The following GSG1L variants were observed in gnomAD, a reference collection of about 807,000 sequenced individuals.
The protein encoded by GSG1L is GSG1 like.
GSG1L carries 24 observed loss-of-function variants against 42.1 expected under a neutral mutation model. The observed-to-expected ratio is 0.57, with a 90% CI of 0.41 to 0.80. The LOEUF is 0.80. Ranked by LOEUF, GSG1L falls within the 30% of genes least tolerant of loss-of-function variation. The probability of loss-of-function intolerance (pLI) is 0.00; values close to 1 mark genes in which losing one functional copy is unlikely to be tolerated. For synonymous variants in GSG1L, 215 were observed against 203.5 expected (o/e 1.06, Z -0.48); for missense variants, 445 against 472.2 (o/e 0.94, Z 0.53).
At chr16:28,034,136 T>G (rs1457184352) in intron 1 of GSG1L, among the ~76,000 whole-genome samples, 2 of 146,592 alleles carry the variant, frequency 1.4e-5, no homozygotes, top group South Asian at 2.2e-4. Context: ...TCCCATCCCA[T>G]CCCAGCCTAT....
At chr16:28,004,734 C>T (rs4787442) in intron 1 of GSG1L, among the ~76,000 whole-genome samples, 20,925 of 152,010 alleles carry the variant, frequency 0.14, 1,942 homozygotes, top group East Asian at 0.44. Context: ...GCTATGATTG[C>T]GCCCCTGCTC....
chr16:27,995,775 T>C (rs145738076), intron 1 of GSG1L, among the ~76,000 whole-genome samples: 3,720 of 151,894 alleles, frequency 0.024, 63 homozygotes, highest in Non-Finnish European at 0.038. Context: ...GCCTCCCAAG[T>C]AGCTGGGATT....
chr16:27,857,552 G>A (rs2083595095), intron 3 of GSG1L, among the ~76,000 whole-genome samples: 2 of 152,074 alleles, frequency 1.3e-5, no homozygotes, highest in Non-Finnish European at 2.9e-5. Flanking sequence ...GACCAGCCTG[G>A]GCAACATAGG....
intron 1 of GSG1L, among the ~76,000 whole-genome samples, chr16:27,997,381 G>A (rs2085528576): frequency 7.5e-6 from 1 of 133,076 alleles, no homozygotes. Flanking sequence ...GTGCAGTGGT[G>A]CAACCTCGGC....
At chr16:27,850,800 C>CTTTTT (rs201380124) in intron 3 of GSG1L, among the ~76,000 whole-genome samples, 1 of 132,602 alleles carries the variant, frequency 7.5e-6, no homozygotes, top group Non-Finnish European at 1.6e-5. Context: ...TATCATCTAC[C>CTTTTT]TTTTTTTTTT....
At chr16:27,825,224 G>A (rs2083196462) in intron 5 of GSG1L, among the ~76,000 whole-genome samples, 1 of 152,154 alleles carries the variant, frequency 6.6e-6, no homozygotes, top group African/African-American at 2.4e-5. Flanking sequence ...AGAAAACCCT[G>A]AATGAGCTCC....
intron 1 of GSG1L, among the ~76,000 whole-genome samples, chr16:28,002,650 G>T (rs1452767186): frequency 4.6e-5 from 7 of 151,998 alleles, no homozygotes; most frequent in Admixed American, 1.3e-4. Flanking sequence ...AAAAAAAGAG[G>T]CCAGGCGCGG....
chr16:27,848,151 G>T (rs1244149291), intron 3 of GSG1L, among the ~76,000 whole-genome samples: 1 of 152,140 alleles, frequency 6.6e-6, no homozygotes, highest in Non-Finnish European at 1.5e-5. Context: ...CTCCACAGAA[G>T]TTTCTTGAAT....
intron 2 of GSG1L, among the ~76,000 whole-genome samples, chr16:27,936,424 G>A (rs922405065): frequency 3.9e-5 from 6 of 152,132 alleles, no homozygotes; most frequent in Admixed American, 6.5e-5. Flanking sequence ...GTTTCTGCAG[G>A]AGCTGGTTGT....
intron 2 of GSG1L, among the ~76,000 whole-genome samples, chr16:27,921,249 A>G (rs11641724): frequency 0.87 from 132,154 of 152,040 alleles, 57,938 homozygotes; most frequent in East Asian, 0.94. Context: ...TTCTCCAAGT[A>G]TTTCACCTGT....
In GSG1L at chr16:28,060,223, G is replaced by T. The variant is rs78588443; in HGVS notation, c.349+2853C>A. ...CTATTGGGATGTTTTTTTCCTCTTC[G>T]AGTAAAAAAATAAAATAGTCACAGA... On this transcript the variant is annotated intron_variant, in intron 1 of 6. Coordinates refer to ENST00000447459, the MANE Select transcript of GSG1L (RefSeq NM_001109763.2). Among the ~76,000 whole-genome samples the T allele has an allele frequency of 6.4e-4, 97 of 152,052 alleles. No individual in the cohort carries two copies. In the East Asian group the frequency reaches 8.5e-3, roughly 13 times the overall value.
intron 1 of GSG1L, among the ~76,000 whole-genome samples, chr16:27,973,928 G>A (rs981823863): frequency 1.3e-5 from 2 of 152,124 alleles, no homozygotes; most frequent in Non-Finnish European, 1.5e-5. Context: ...CTGGCCCTGC[G>A]CCTTCCATTG....
chr16:27,819,640 G>A (rs534169790), intron 5 of GSG1L, among the ~76,000 whole-genome samples: 12 of 152,326 alleles, frequency 7.9e-5, no homozygotes, highest in South Asian at 4.1e-4. Context: ...GAACATGGCC[G>A]GGCTGGGGAG....
chr16:27,827,021 C>T (rs1282678540), intron 5 of GSG1L, among the ~76,000 whole-genome samples: 1 of 152,172 alleles, frequency 6.6e-6, no homozygotes, highest in Non-Finnish European at 1.5e-5. Context: ...AGACCTGGGG[C>T]CCAACTCCCC....
intron 3 of GSG1L, among the ~76,000 whole-genome samples, chr16:27,849,287 C>G (rs2083480914): frequency 6.6e-6 from 1 of 151,432 alleles, no homozygotes; most frequent in Non-Finnish European, 1.5e-5. Flanking sequence ...CAGGGCCATG[C>G]AGGGCCCTGG....
intron 1 of GSG1L, among the ~76,000 whole-genome samples, chr16:28,018,793 C>T (rs541005860): frequency 2.0e-5 from 3 of 152,068 alleles, no homozygotes; most frequent in South Asian, 2.1e-4. Flanking sequence ...CATAACATGC[C>T]GCCCCCACAT....
chr16:27,814,893 G>A (rs2083076940), intron 5 of GSG1L, among the ~76,000 whole-genome samples: 1 of 151,944 alleles, frequency 6.6e-6, no homozygotes, highest in African/African-American at 2.4e-5. Flanking sequence ...TTTCCTGCAG[G>A]AAACATTATG....
At chr16:27,885,747 G>A (rs577233132) in intron 2 of GSG1L, among the ~76,000 whole-genome samples, 3 of 152,234 alleles carry the variant, frequency 2.0e-5, no homozygotes, top group Non-Finnish European at 4.4e-5. Flanking sequence ...GTTCAGATGA[G>A]AGTCTGAGCA....
chr16:28,023,251 T>A (rs542717720), intron 1 of GSG1L, among the ~76,000 whole-genome samples: 1 of 152,370 alleles, frequency 6.6e-6, no homozygotes, highest in African/African-American at 2.4e-5. Context: ...ACTGCTTTTT[T>A]CACTTGCCAA....
Sources: gnomAD v4.1 joint callset for allele counts (sites outside exome capture counted in the v4.1 genomes callset) on GRCh38, gnomAD v4.1.1 for gene constraint, MANE v1.5 for transcripts, NCBI Gene and HGNC (gene_info 2026-07-23, HGNC 2026-07-21) for gene names.